Variants in RALGPS1 observed in about 807,000 individuals in gnomAD.
RALGPS1 encodes ras-specific guanine nucleotide-releasing factor RalGPS1.
In RALGPS1, 19 loss-of-function variants were observed where a neutral mutation model predicts 78.8. The observed-to-expected ratio is 0.24, with a 90% CI of 0.17 to 0.35. The LOEUF (loss-of-function observed/expected upper bound fraction) is 0.35, where lower values mean the gene tolerates loss of function less well. RALGPS1 is among the 10% of genes least tolerant of loss of function. The probability of loss-of-function intolerance (pLI) is 1.00; values close to 1 mark genes in which losing one functional copy is unlikely to be tolerated. For synonymous variants in RALGPS1, 228 were observed against 256.3 expected, an observed-to-expected ratio of 0.89 and a Z score of 1.06; for missense variants, 454 against 688.3, an observed-to-expected ratio of 0.66 and a Z score of 3.81.
At chr9:127,012,882 C>T (rs1039637052) in intron 4 of RALGPS1, among the ~76,000 whole-genome samples, 1 of 152,128 alleles carries the variant, frequency 6.6e-6, no homozygotes, top group African/African-American at 2.4e-5. Context: ...TGTAAGACCC[C>T]CTGCCTGGTA....
At chr9:127,100,533 A>T (rs551114065) in intron 8 of RALGPS1, among the ~76,000 whole-genome samples, 1 of 152,350 alleles carries the variant, frequency 6.6e-6, no homozygotes, top group East Asian at 1.9e-4. Flanking sequence ...TAGTGGTCTC[A>T]CTGTGTACAG....
chr9:126,987,793 G>A (rs557651444), intron 4 of RALGPS1, among the ~76,000 whole-genome samples: 109 of 152,162 alleles, frequency 7.2e-4, no homozygotes, highest in Non-Finnish European at 1.4e-3. Flanking sequence ...GCTAAATGCT[G>A]GAGAAACGAT....
intron 7 of RALGPS1, among the ~76,000 whole-genome samples, chr9:127,067,870 C>T (rs1010992619): frequency 6.6e-6 from 1 of 152,228 alleles, no homozygotes; most frequent in African/African-American, 2.4e-5. Context: ...TAAGCCTGGC[C>T]TTTCTGCCTA....
chr9:127,058,882 A>G (rs1487712001), intron 7 of RALGPS1, among the ~76,000 whole-genome samples: 5 of 152,184 alleles, frequency 3.3e-5, no homozygotes, highest in Admixed American at 3.3e-4. Context: ...AATTGATCCA[A>G]AGAGTTTGAC....
chr9:127,048,686 TCA>T (rs1416644033), intron 5 of RALGPS1, among the ~76,000 whole-genome samples: 1 of 152,250 alleles, frequency 6.6e-6, no homozygotes, highest in Non-Finnish European at 1.5e-5. Flanking sequence ...ATGTAAACTA[TCA>T]CACTTGAGTG....
intron 4 of RALGPS1, among the ~76,000 whole-genome samples, chr9:127,003,941 C>G (rs181166083): frequency 6.6e-6 from 1 of 152,298 alleles, no homozygotes; most frequent in Non-Finnish European, 1.5e-5. Flanking sequence ...ATGCAGAGTT[C>G]ACCTCAGCAC....
At chr9:126,929,125 C>T (rs2035571591) in intron 1 of RALGPS1, among the ~76,000 whole-genome samples, 1 of 152,144 alleles carries the variant, frequency 6.6e-6, no homozygotes, top group Admixed American at 6.5e-5. Flanking sequence ...CTGTAGATAT[C>T]TCCACTGGAC....
At chr9:126,960,073 T>G (rs1254469107) in intron 1 of RALGPS1, among the ~76,000 whole-genome samples, 2 of 152,116 alleles carry the variant, frequency 1.3e-5, no homozygotes, top group African/African-American at 4.8e-5. Context: ...AGAGTCATTG[T>G]CAGCACTGGA....
intron 8 of RALGPS1, among the ~76,000 whole-genome samples, chr9:127,074,324 T>A (rs1264757614): frequency 6.6e-6 from 1 of 152,254 alleles, no homozygotes; most frequent in Non-Finnish European, 1.5e-5. Context: ...ATAGATTGAA[T>A]TCTATTTATT....
intron 8 of RALGPS1, among the ~76,000 whole-genome samples, chr9:127,157,807 C>G (rs980902863): frequency 3.3e-5 from 5 of 152,076 alleles, no homozygotes; most frequent in Non-Finnish European, 5.9e-5. Flanking sequence ...TGATATGCAT[C>G]TTTAATATTC....
chr9:127,169,596 T>TG (rs2059462145), intron 10 of RALGPS1, among the ~76,000 whole-genome samples: 1 of 152,202 alleles, frequency 6.6e-6, no homozygotes, highest in African/African-American at 2.4e-5. Context: ...AGCCATCTTG[T>TG]AATCAATCAT....
At chr9:127,180,354 C>G (rs2060137949) in intron 11 of RALGPS1, among the ~76,000 whole-genome samples, 1 of 152,232 alleles carries the variant, frequency 6.6e-6, no homozygotes, top group South Asian at 2.1e-4. Context: ...TGTGCTCGCA[C>G]TGTGAGGACT....
At chr9:127,191,078 G>A (rs1334196132) in intron 11 of RALGPS1, among the ~76,000 whole-genome samples, 1 of 152,048 alleles carries the variant, frequency 6.6e-6, no homozygotes, top group African/African-American at 2.4e-5. Flanking sequence ...TTCTCTCTGT[G>A]TGGTTTGTCC....
intron 8 of RALGPS1, among the ~76,000 whole-genome samples, chr9:127,120,976 G>A (rs536875928): frequency 6.6e-5 from 10 of 152,220 alleles, no homozygotes; most frequent in East Asian, 3.9e-4. Flanking sequence ...AGGCATGGGC[G>A]CCTAGCTTTC....
intron 3 of RALGPS1, among the ~76,000 whole-genome samples, chr9:126,971,644 C>T (rs1304720862): frequency 6.6e-6 from 1 of 152,186 alleles, no homozygotes; most frequent in East Asian, 1.9e-4. Context: ...TTTTATTCCC[C>T]TGAGCCCTTC....
intron 1 of RALGPS1, among the ~76,000 whole-genome samples, chr9:126,948,190 A>G (rs940724664): frequency 4.6e-5 from 7 of 152,008 alleles, no homozygotes; most frequent in African/African-American, 9.7e-5. Flanking sequence ...TCCAGTTTAC[A>G]TAATTCTACT....
chr9:127,186,172 T>C (rs1046137523), intron 11 of RALGPS1, among the ~76,000 whole-genome samples: 1 of 152,154 alleles, frequency 6.6e-6, no homozygotes, highest in African/African-American at 2.4e-5. Context: ...GAAAACCAGA[T>C]TTTTTTTCAA....
At chr9:126,918,253 A>C (rs2034378373) in intron 1 of RALGPS1, among the ~76,000 whole-genome samples, 1 of 152,214 alleles carries the variant, frequency 6.6e-6, no homozygotes, top group Non-Finnish European at 1.5e-5. Flanking sequence ...TTTGTTCGTA[A>C]ACATACATAA....
chr9:127,093,900 G>A (rs772982600), intron 8 of RALGPS1: 2 of 1,613,942 alleles, frequency 1.2e-6, no homozygotes, highest in Non-Finnish European at 1.7e-6. Flanking sequence ...CCATCCTCCA[G>A]GGCCTGCAGG....
Sources: allele counts gnomAD v4.1 joint callset (sites outside exome capture counted in the v4.1 genomes callset), GRCh38; gene constraint gnomAD v4.1.1; transcripts MANE v1.5; gene names NCBI Gene and HGNC (gene_info 2026-07-23, HGNC 2026-07-21).